Variants in C15orf40 observed in about 807,000 individuals in gnomAD.
C15orf40 encodes chromosome 15 open reading frame 40.
A neutral mutation model predicts 13.9 loss-of-function variants in C15orf40; 9 were observed. The observed-to-expected ratio is 0.65, with a 90% confidence interval of 0.39 to 1.13. C15orf40 has a LOEUF of 1.13. Ranked by LOEUF, C15orf40 falls within the 50% of genes most tolerant of loss-of-function variation. The pLI, the probability that C15orf40 is intolerant of heterozygous loss-of-function variation, is 0.01. For missense variants in C15orf40, 225 were observed against 188.5 expected (o/e 1.19, Z -1.13); for synonymous variants, 95 against 69.2 (o/e 1.37, Z -1.85).
In C15orf40 at chr15:82,995,663, T is replaced by A. The variant is rs1398566061; in HGVS notation, c.*9934A>T. 6.6e-6 allele frequency: 1 copy of A among 152,570 alleles called. No individual in the cohort carries two copies. The highest frequency in any genetic ancestry group is 1.5e-5 in the Non-Finnish European group (1 of 68,364). 9.5% of individuals were successfully genotyped at this position (152,570 alleles called of 1,614,324 possible). On this transcript the variant is annotated 3_prime_UTR_variant, in exon 4 of 4. Coordinates refer to ENST00000304177, the MANE Select transcript of C15orf40 (RefSeq NM_144597.3). ...AGCTGGGTGTGGTGGTACATGACTG[T>A]AATCCCAGCTACTCCGGAGGCTGAG...
intron 3 of C15orf40, chr15:83,006,310 A>C: frequency 1.2e-6 from 1 of 840,690 alleles, no homozygotes; most frequent in Non-Finnish European, 1.4e-6. Flanking sequence ...TAAAATACCA[A>C]AATAAATATT....
intron 3 of C15orf40, among the ~76,000 whole-genome samples, chr15:83,007,384 A>G (rs193071394): frequency 6.6e-6 from 1 of 152,238 alleles, no homozygotes; most frequent in Non-Finnish European, 1.5e-5. Context: ...CAGAAAGGAG[A>G]AAACACTGGC....
Sources: gnomAD v4.1 joint callset for allele counts (sites outside exome capture counted in the v4.1 genomes callset) on GRCh38, gnomAD v4.1.1 for gene constraint, MANE v1.5 for transcripts, NCBI Gene and HGNC (gene_info 2026-07-23, HGNC 2026-07-21) for gene names.